Variants in RGS7 observed in about 807,000 individuals in gnomAD.
RGS7 encodes the protein regulator of G protein signaling 7.
RGS7 carries 27 observed loss-of-function variants against 81.1 expected under a neutral mutation model. That is an observed-to-expected ratio of 0.33 (90% CI 0.25 to 0.46). The LOEUF is 0.46. Ranked by LOEUF, RGS7 falls within the 20% of genes least tolerant of loss-of-function variation. The pLI, the probability that RGS7 is intolerant of heterozygous loss-of-function variation, is 1.00. For synonymous variants in RGS7, 208 were observed against 207.7 expected (o/e 1.00, Z -0.01); for missense variants, 396 against 607.4 (o/e 0.65, Z 3.66).
At chr1:240,884,205 A>AG (rs1666955091) in intron 6 of RGS7, among the ~76,000 whole-genome samples, 1 of 151,972 alleles carries the variant, frequency 6.6e-6, no homozygotes, top group Non-Finnish European at 1.5e-5. Flanking sequence ...AGCTTCATTC[A>AG]GGCATGAGTT....
intron 9 of RGS7, among the ~76,000 whole-genome samples, chr1:240,832,600 A>G (rs1174846650): frequency 1.3e-5 from 2 of 152,228 alleles, no homozygotes; most frequent in African/African-American, 4.8e-5. Context: ...TTCATGCGAT[A>G]GTACATTTTT....
chr1:241,137,787 A>G (rs1485655311), intron 2 of RGS7, among the ~76,000 whole-genome samples: 1 of 152,214 alleles, frequency 6.6e-6, no homozygotes, highest in East Asian at 1.9e-4. Context: ...CACTGCTTCT[A>G]ATGAGTTACA....
intron 2 of RGS7, among the ~76,000 whole-genome samples, chr1:241,196,564 A>C (rs996631598): frequency 7.0e-6 from 1 of 142,400 alleles, no homozygotes; most frequent in Non-Finnish European, 1.6e-5. Context: ...AGGAACTTTA[A>C]GATAACAGTG....
At chr1:240,777,272 G>C (rs1219994136) in intron 18 of RGS7, among the ~76,000 whole-genome samples, 1 of 150,182 alleles carries the variant, frequency 6.7e-6, no homozygotes, top group Non-Finnish European at 1.5e-5. Flanking sequence ...ACAAGAGCGA[G>C]ACTCTGTCTC....
intron 3 of RGS7, among the ~76,000 whole-genome samples, chr1:241,064,183 CAAAAAAAAAAA>C (rs140883852): frequency 3.8e-5 from 3 of 78,174 alleles, no homozygotes; most frequent in Admixed American, 1.6e-4. Flanking sequence ...AACTCAGTTT[CAAAAAAAAAAA>C]AAAAAAAAAA....
intron 2 of RGS7, among the ~76,000 whole-genome samples, chr1:241,305,240 G>A (rs1361116699): frequency 6.6e-6 from 1 of 152,048 alleles, no homozygotes; most frequent in East Asian, 1.9e-4. Context: ...TCTAACTTTT[G>A]AATAGAAAAC....
intron 2 of RGS7, among the ~76,000 whole-genome samples, chr1:241,162,867 G>C (rs994894558): frequency 7.9e-5 from 12 of 152,308 alleles, no homozygotes; most frequent in South Asian, 2.1e-4. Flanking sequence ...TTTGAAGTAA[G>C]GCAGTCTGAC....
chr1:240,999,934 C>T (rs1357523885), intron 3 of RGS7, among the ~76,000 whole-genome samples: 1 of 151,470 alleles, frequency 6.6e-6, no homozygotes, highest in Non-Finnish European at 1.5e-5. Flanking sequence ...GAAAGCTGGA[C>T]ATCTTTGTAT....
intron 9 of RGS7, among the ~76,000 whole-genome samples, chr1:240,838,770 AT>A (rs200280485): frequency 0.038 from 5,391 of 142,670 alleles, 105 homozygotes; most frequent in African/African-American, 0.065. Context: ...ATTTTTTATT[AT>A]TTTTTTTTTT....
At chr1:241,174,566 T>C (rs935380405) in intron 2 of RGS7, among the ~76,000 whole-genome samples, 1 of 152,224 alleles carries the variant, frequency 6.6e-6, no homozygotes, top group African/African-American at 2.4e-5. Context: ...CACTGGGCTG[T>C]GAGCTTTCTA....
At chr1:240,858,725 A>T (rs1661605652) in intron 9 of RGS7, among the ~76,000 whole-genome samples, 1 of 152,186 alleles carries the variant, frequency 6.6e-6, no homozygotes, top group Non-Finnish European at 1.5e-5. Flanking sequence ...AGTCTAATTC[A>T]TTAGTCTTTA....
At chr1:240,800,184 T>C (rs1018341257) in intron 18 of RGS7, among the ~76,000 whole-genome samples, 2 of 152,194 alleles carry the variant, frequency 1.3e-5, no homozygotes, top group African/African-American at 4.8e-5. Context: ...ATTGTCTTTA[T>C]TGCCCCATGG....
chr1:241,204,405 T>G (rs931143953), intron 2 of RGS7, among the ~76,000 whole-genome samples: 1 of 152,202 alleles, frequency 6.6e-6, no homozygotes, highest in Non-Finnish European at 1.5e-5. Flanking sequence ...GGTGTGCAAG[T>G]TCTTAAAATA....
chr1:241,067,028 T>G (rs2062104425), intron 3 of RGS7, among the ~76,000 whole-genome samples: 1 of 152,244 alleles, frequency 6.6e-6, no homozygotes, highest in African/African-American at 2.4e-5. Flanking sequence ...GCTTAGTGGC[T>G]AATTAGCTGT....
rs1280456391 is a variant in RGS7 at position 241,188,314 on chromosome 1, A to AC, written c.79-89553_79-89552insG. Among the ~76,000 whole-genome samples, 210 of 142,718 alleles carry AC rather than the reference A, an allele frequency of 1.5e-3. 1 individual carries two copies. Among genetic ancestry groups the AC allele is most frequent in the Middle Eastern group, 3.6e-3 (1 of 280 alleles). The allele number at this position is 142,718 out of a possible 152,430, so 93.6% of individuals were successfully genotyped here. A position where few individuals can be genotyped will look rare whatever the true frequency, so the allele number is the denominator to read the frequency against. ...ACACACACACACACACACACACACAAAAAGAGACAGACCTTAAACAATTAT... is the reference window on the plus strand; with the variant it reads ...ACACACACACACACACACACACACAACAAAGAGACAGACCTTAAACAATTAT... On this transcript the variant is annotated intron_variant, in intron 2 of 18. Coordinates refer to ENST00000440928, the MANE Select transcript of RGS7 (RefSeq NM_001364886.1).
chr1:241,217,384 A>C (rs2074633007), intron 2 of RGS7, among the ~76,000 whole-genome samples: 2 of 152,196 alleles, frequency 1.3e-5, no homozygotes, highest in Non-Finnish European at 2.9e-5. Context: ...TTGCTGTGGC[A>C]GCTGAGCAGA....
chr1:241,177,946 G>A (rs565961291), intron 2 of RGS7, among the ~76,000 whole-genome samples: 40 of 152,230 alleles, frequency 2.6e-4, no homozygotes, highest in African/African-American at 9.1e-4. Flanking sequence ...GATGCTTACT[G>A]GTAAAAAGAC....
intron 2 of RGS7, among the ~76,000 whole-genome samples, chr1:241,348,041 A>C (rs1355163200): frequency 6.6e-6 from 1 of 152,212 alleles, no homozygotes; most frequent in Non-Finnish European, 1.5e-5. Context: ...TGTGCTGTCC[A>C]ATCCAATGGA....
intron 6 of RGS7, among the ~76,000 whole-genome samples, chr1:240,879,881 C>G (rs1181126227): frequency 6.6e-6 from 1 of 152,082 alleles, no homozygotes; most frequent in Non-Finnish European, 1.5e-5. Flanking sequence ...ATATTTTTAT[C>G]ACAATTATTT....
Sources: allele counts gnomAD v4.1 joint callset (sites outside exome capture counted in the v4.1 genomes callset), GRCh38; gene constraint gnomAD v4.1.1; transcripts MANE v1.5; gene names NCBI Gene and HGNC (gene_info 2026-07-23, HGNC 2026-07-21).